PNPLA7: variants seen among roughly 807,000 people sequenced by gnomAD.
The protein encoded by PNPLA7 is patatin-like phospholipase domain-containing protein 7.
In PNPLA7, 153 loss-of-function variants were observed where a neutral mutation model predicts 161.7. The observed-to-expected ratio is 0.95, with a 90% CI of 0.83 to 1.08. PNPLA7 has a LOEUF of 1.08. PNPLA7 is among the 50% of genes least tolerant of loss of function. The pLI is 0.00. For synonymous variants in PNPLA7, 809 were observed against 782.1 expected (o/e 1.03, Z -0.57); for missense variants, 1,739 against 1,856.6 (o/e 0.94, Z 1.16).
chr9:137,547,721 G>C lies in PNPLA7; in HGVS notation c.31-62C>G, dbSNP rs11137126. ...AGGCTTCCCAGCCCGAACTTGTTCA[G>C]AGCAGCAGGAGGAGAGCTGGGAGTT... On this transcript the variant is annotated intron_variant, in intron 1 of 34. Coordinates refer to ENST00000406427, the MANE Select transcript of PNPLA7 (RefSeq NM_001098537.3). The surrounding 1 kb of genome is among the most constrained non-coding windows in gnomAD (Gnocchi z 4.6). 3,039 of 1,480,108 alleles carry C rather than the reference G, an allele frequency of 2.1e-3. 68 individuals carry two copies. The African/African-American group carries it at 0.038, about 18-fold the overall frequency. 91.7% of individuals were successfully genotyped at this position (1,480,108 alleles called of 1,614,324 possible).
intron 21 of PNPLA7, among the ~76,000 whole-genome samples, chr9:137,481,488 G>A (rs1363028682): frequency 2.0e-5 from 3 of 152,182 alleles, no homozygotes; most frequent in East Asian, 1.9e-4. Context: ...ACATGGGCAC[G>A]GCTGTCAGGG....
intron 8 of PNPLA7, among the ~76,000 whole-genome samples, chr9:137,534,153 G>T (rs1341145941): frequency 7.0e-6 from 1 of 142,724 alleles, no homozygotes; most frequent in African/African-American, 2.7e-5. Context: ...CCACAACAGT[G>T]TCCACTCCAG....
At chr9:137,494,869 G>A (rs1326241171) in intron 19 of PNPLA7, among the ~76,000 whole-genome samples, 164 bp downstream of exon 19, 2 of 146,020 alleles carry the variant, frequency 1.4e-5, no homozygotes, top group African/African-American at 2.6e-5. Context: ...GCCCTCACCT[G>A]CTCCGTGACC....
intron 14 of PNPLA7, among the ~76,000 whole-genome samples, chr9:137,503,909 AAAGAAGAAGG>A (rs1407430904): frequency 9.4e-3 from 78 of 8,330 alleles, no homozygotes; most frequent in Middle Eastern, 0.083. Context: ...AAGGAAGAAG[AAAGAAGAAGG>A]AAGAAGAAGG....
rs1832099041 is a variant in PNPLA7, at chr9:137,479,418, G to A, written c.2581-180C>T. 6.1e-6 allele frequency: 8 copies of A among 1,304,290 alleles called. No individual in the cohort carries two copies. The Admixed American group carries it at 1.4e-4, about 23-fold the overall frequency. 80.8% of individuals were successfully genotyped at this position (1,304,290 alleles called of 1,614,324 possible). ...CGCTGCCGAAGCTCTGACGGCAGGGGTCCATCCGTCCACTGTGTGCTGGGC... is the reference window on the plus strand; with the variant it reads ...CGCTGCCGAAGCTCTGACGGCAGGGATCCATCCGTCCACTGTGTGCTGGGC... On this transcript the variant is annotated intron_variant, in intron 23 of 34. Coordinates refer to ENST00000406427, the MANE Select transcript of PNPLA7 (RefSeq NM_001098537.3).
intron 14 of PNPLA7, 73 bp from the exon 15 acceptor site, chr9:137,501,800 T>G (rs993648886): frequency 6.7e-7 from 1 of 1,484,634 alleles, no homozygotes. Flanking sequence ...GAGGCTGCAC[T>G]GGGCTGTTCA....
chr9:137,478,376 G>A (rs1004684389), intron 24 of PNPLA7: 5 of 390,502 alleles, frequency 1.3e-5, no homozygotes, highest in Non-Finnish European at 1.4e-5. Context: ...ACTGGCAGAG[G>A]GTACGTGGGC....
rs563148869 is a variant in PNPLA7 at position 137,543,224 on chromosome 9, G to A, written c.506+208C>T. Among the ~76,000 whole-genome samples, 32 of 152,304 alleles carry A rather than the reference G, an allele frequency of 2.1e-4. No homozygotes were observed. Among genetic ancestry groups the A allele is most frequent in the African/African-American group, 7.0e-4 (29 of 41,566 alleles). On this transcript the variant is annotated intron_variant, in intron 6 of 34. Transcript: ENST00000406427. This position sits in a 1 kb window ranked among gnomAD's most constrained non-coding sequence, Gnocchi z 6.9. Reference sequence around the variant, plus strand: ...GGTTCACCGCTGAAGATGAAACACCGGGAAATCGTTCAACAGAACAAGAAA... The same window carrying A: ...GGTTCACCGCTGAAGATGAAACACCAGGAAATCGTTCAACAGAACAAGAAA...
At chr9:137,522,982 T>G in intron 8 of PNPLA7, 125 bp from the exon 9 acceptor site, 7 of 1,366,744 alleles carry the variant, frequency 5.1e-6, no homozygotes, top group East Asian at 2.3e-5. Flanking sequence ...CCATTCTCCC[T>G]CCCAGGCTGG....
At chr9:137,526,168 G>A (rs962851025) in intron 8 of PNPLA7, among the ~76,000 whole-genome samples, 11 of 151,968 alleles carry the variant, frequency 7.2e-5, no homozygotes, top group African/African-American at 2.4e-4. Context: ...CTCTTGCCTC[G>A]GCACCTGGGT....
At chr9:137,495,530 A>G (rs111453980) in intron 18 of PNPLA7, among the ~76,000 whole-genome samples, 4,916 of 150,436 alleles carry the variant, frequency 0.033, 295 homozygotes, top group African/African-American at 0.11. Flanking sequence ...TGCAAGCTCC[A>G]CCTCCTGGGT....
chr9:137,524,780 C>A lies in PNPLA7; in HGVS notation c.748-1923G>T, dbSNP rs923293630. Among the ~76,000 whole-genome samples the A allele has an allele frequency of 2.0e-5, 3 of 151,542 alleles. No individual in the cohort carries two copies. On this transcript the variant is annotated intron_variant, in intron 8 of 34. Transcript: ENST00000406427. This position sits in a 1 kb window ranked among gnomAD's most constrained non-coding sequence, Gnocchi z 4.4. The stretch of plus-strand genomic sequence containing the variant: ...CGTGGAATGAGTTTCCGTGGATGCC[C>A]CGTGGAATGGGTTTCCGTGGATGCC...
intron 20 of PNPLA7, among the ~76,000 whole-genome samples, chr9:137,488,163 CT>C (rs1482285070): frequency 2.6e-5 from 4 of 152,204 alleles, no homozygotes; most frequent in Non-Finnish European, 5.9e-5. Flanking sequence ...TCGTCCCGAG[CT>C]TCACTTGCAG....
At chr9:137,539,511 C>G (rs1446180691) in intron 8 of PNPLA7, among the ~76,000 whole-genome samples, 1 of 152,096 alleles carries the variant, frequency 6.6e-6, no homozygotes, top group Non-Finnish European at 1.5e-5. Context: ...ATCTCTATCT[C>G]TACAAAAAAA....
intron 11 of PNPLA7, among the ~76,000 whole-genome samples, chr9:137,518,987 CA>C (rs1467844442): frequency 3.4e-5 from 5 of 145,116 alleles, no homozygotes; most frequent in African/African-American, 7.8e-5. Context: ...CTCCATCCCC[CA>C]CTCACTCACT....
intron 14 of PNPLA7, among the ~76,000 whole-genome samples, chr9:137,503,539 G>T (rs1257539445): frequency 1.6e-5 from 2 of 121,918 alleles, no homozygotes; most frequent in African/African-American, 6.1e-5. Context: ...GGAGGAGGGG[G>T]AAGGAGAAGG....
rs1833327420 is a variant in PNPLA7 at position 137,500,452 on chromosome 9, G to A, written c.1757+239C>T. ...AGACCAGTGATAAATGGACACAGCT[G>A]GGACCAGACCACAGAGACGGCCGTG... On this transcript the variant is annotated intron_variant, in intron 16 of 34. Coordinates refer to ENST00000406427, the MANE Select transcript of PNPLA7 (RefSeq NM_001098537.3). This position sits in a 1 kb window ranked among gnomAD's most constrained non-coding sequence, Gnocchi z 5.5. 6.6e-6 allele frequency among the ~76,000 whole-genome samples: 1 copy of A among 152,222 alleles called. No homozygotes were observed. The highest frequency in any genetic ancestry group is 1.5e-5 in the Non-Finnish European group (1 of 68,038).
intron 32 of PNPLA7, 58 bp from the exon 33 acceptor site, chr9:137,461,678 C>T: frequency 1.1e-5 from 16 of 1,502,976 alleles, no homozygotes; most frequent in Non-Finnish European, 1.5e-5. Flanking sequence ...CAGTCCCCAG[C>T]CTGCTTCCTG....
intron 8 of PNPLA7, among the ~76,000 whole-genome samples, chr9:137,526,907 C>A (rs1272202090): frequency 1.3e-5 from 2 of 152,066 alleles, no homozygotes; most frequent in East Asian, 3.8e-4. Flanking sequence ...CATCTGCATG[C>A]TTTTTCTTTC....
Sources: gnomAD v4.1 joint callset for allele counts (sites outside exome capture counted in the v4.1 genomes callset) on GRCh38, gnomAD v4.1.1 for gene constraint, Gnocchi (gnomAD v3.1) non-coding constraint, MANE v1.5 for transcripts, NCBI Gene and HGNC (gene_info 2026-07-23, HGNC 2026-07-21) for gene names.